The following RANBP2 variants were observed in gnomAD, a reference collection of about 807,000 sequenced individuals.
The protein encoded by RANBP2 is RAN binding protein 2.
Under a neutral mutation model 303.6 loss-of-function variants are expected in RANBP2, and 57 were observed. That is an observed-to-expected ratio of 0.19 (90% CI 0.15 to 0.23). The LOEUF (loss-of-function observed/expected upper bound fraction) is 0.23, where lower values mean the gene tolerates loss of function less well. RANBP2 is among the 10% of genes least tolerant of loss of function. RANBP2 has a pLI of 1.00. For synonymous variants in RANBP2, 1,167 were observed against 1,301.5 expected (o/e 0.90, Z 2.23); for missense variants, 3,138 against 3,780.8 (o/e 0.83, Z 4.46).
the RANBP2 span, among the ~76,000 whole-genome samples, chr2:109,329,936 A>G: frequency 6.6e-6 from 1 of 152,222 alleles, no homozygotes; most frequent in Non-Finnish European, 1.5e-5. Flanking sequence ...ATAAACTGCA[A>G]CTTTCTTCAA....
chr2:109,613,434 G>A, the RANBP2 span: 1 of 309,942 alleles, frequency 3.2e-6, no homozygotes, highest in Non-Finnish European at 6.5e-6. Context: ...TGCAAAAGAT[G>A]ACCGCTATTC....
chr2:109,199,598 G>GC, the RANBP2 span, among the ~76,000 whole-genome samples: 1 of 238 alleles, frequency 4.2e-3, no homozygotes, highest in Non-Finnish European at 8.1e-3. Context: ...GGAATGGAAT[G>GC]GAATGGAATG....
At chr2:108,965,290 A>G in the RANBP2 span, among the ~76,000 whole-genome samples, 31 of 152,226 alleles carry the variant, frequency 2.0e-4, no homozygotes, top group East Asian at 6.0e-3. Context: ...ATCCTGGCTA[A>G]CATGGTGAAA....
chr2:109,013,236 C>T, the RANBP2 span, among the ~76,000 whole-genome samples: 1 of 152,200 alleles, frequency 6.6e-6, no homozygotes, highest in Non-Finnish European at 1.5e-5. Flanking sequence ...CTTCCTTCGG[C>T]GCTTGATATC....
At chr2:108,805,524 G>C in the RANBP2 span, among the ~76,000 whole-genome samples, 1 of 151,556 alleles carries the variant, frequency 6.6e-6, no homozygotes. Context: ...AGGAGTTCGA[G>C]ACCATCCTGG....
At chr2:108,847,035 T>C in the RANBP2 span, 1 of 689,940 alleles carries the variant, frequency 1.4e-6, no homozygotes, top group East Asian at 2.7e-5. Flanking sequence ...CAGAATGAGG[T>C]TTTGAATTGT....
At chr2:109,250,678 A>G in the RANBP2 span, among the ~76,000 whole-genome samples, 1 of 152,086 alleles carries the variant, frequency 6.6e-6, no homozygotes, top group South Asian at 2.1e-4. Flanking sequence ...TATGGAAAAC[A>G]TATTTATATC....
At chr2:109,568,889 A>C in the RANBP2 span, among the ~76,000 whole-genome samples, 1 of 152,204 alleles carries the variant, frequency 6.6e-6, no homozygotes, top group Admixed American at 6.5e-5. Context: ...CATGATGCAA[A>C]GGAATAACTT....
At chr2:109,687,384 C>T in the RANBP2 span, among the ~76,000 whole-genome samples, 1 of 152,072 alleles carries the variant, frequency 6.6e-6, no homozygotes, top group Non-Finnish European at 1.5e-5. Context: ...ATGTTCAGGC[C>T]CATCTTGTAT....
chr2:109,383,276 A>G, the RANBP2 span, among the ~76,000 whole-genome samples: 1 of 152,230 alleles, frequency 6.6e-6, no homozygotes, highest in Non-Finnish European at 1.5e-5. Flanking sequence ...CTGATTTTTC[A>G]GCTGGAACCA....
At chr2:109,273,544 A>G in the RANBP2 span, among the ~76,000 whole-genome samples, 2 of 152,326 alleles carry the variant, frequency 1.3e-5, no homozygotes, top group East Asian at 3.9e-4. Context: ...GCACGTGTTT[A>G]GTGAATGCAT....
At chr2:109,371,747 T>C in the RANBP2 span, 1 of 1,386,290 alleles carries the variant, frequency 7.2e-7, no homozygotes, top group African/African-American at 1.4e-5. Flanking sequence ...TACAGTGGGG[T>C]CACCTGACCT....
At chr2:108,740,821 G>T (rs1395128640) in intron 7 of RANBP2, 140 bp downstream of exon 7, 2 of 1,385,548 alleles carry the variant, frequency 1.4e-6, no homozygotes, top group Non-Finnish European at 2.0e-6. Context: ...TGATACAGTG[G>T]AAAATAACTA....
chr2:108,839,823 T>C, the RANBP2 span, among the ~76,000 whole-genome samples: 1 of 151,960 alleles, frequency 6.6e-6, no homozygotes, highest in African/African-American at 2.4e-5. Context: ...AACAGTGTTG[T>C]GTTTTTTTTT....
At chr2:109,640,051 C>T in the RANBP2 span, among the ~76,000 whole-genome samples, 29,012 of 151,634 alleles carry the variant, frequency 0.19, 3,436 homozygotes, top group African/African-American at 0.33. Context: ...CAAGTAACTT[C>T]CTTCTCCGCA....
chr2:109,245,842 A>G, the RANBP2 span, among the ~76,000 whole-genome samples: 1 of 152,232 alleles, frequency 6.6e-6, no homozygotes, highest in Admixed American at 6.5e-5. Context: ...ATCCATCATG[A>G]GAGATTGAAT....
At chr2:109,334,565 G>A in the RANBP2 span, among the ~76,000 whole-genome samples, 23 of 152,050 alleles carry the variant, frequency 1.5e-4, no homozygotes, top group Non-Finnish European at 2.6e-4. Flanking sequence ...CACCCGCTCC[G>A]GGGATGCCAG....
the RANBP2 span, among the ~76,000 whole-genome samples, chr2:108,809,087 T>C: frequency 2.6e-5 from 4 of 152,312 alleles, no homozygotes; most frequent in Non-Finnish European, 5.9e-5. Flanking sequence ...TCTCCCTTAT[T>C]AATGTTGTTG....
At chr2:109,315,610 G>A in the RANBP2 span, among the ~76,000 whole-genome samples, 4,182 of 152,322 alleles carry the variant, frequency 0.027, 216 homozygotes, top group East Asian at 0.2. Context: ...TGTCAGTGAT[G>A]CACAAGGACG....
Sources: gnomAD v4.1 joint callset for allele counts (sites outside exome capture counted in the v4.1 genomes callset) on GRCh38, gnomAD v4.1.1 for gene constraint, MANE v1.5 for transcripts, NCBI Gene and HGNC (gene_info 2026-07-23, HGNC 2026-07-21) for gene names.